The following PBX1 variants were observed in gnomAD, a reference collection of about 807,000 sequenced individuals.
PBX1 encodes the protein PBX homeobox 1, also known as pre-B-cell leukemia transcription factor 1.
In PBX1, 6 loss-of-function variants were observed where a neutral mutation model predicts 53.4. That is an observed-to-expected ratio of 0.11 (90% CI 0.06 to 0.22). PBX1 has a LOEUF of 0.22. Among genes scored for constraint, PBX1 ranks in the 10% least tolerant of loss-of-function variants. The probability of loss-of-function intolerance (pLI) is 1.00; values close to 1 mark genes in which losing one functional copy is unlikely to be tolerated. For missense variants in PBX1, 251 were observed against 551.4 expected, an observed-to-expected ratio of 0.46 and a Z score of 5.46; for synonymous variants, 204 against 212.3, an observed-to-expected ratio of 0.96 and a Z score of 0.34.
chr1:164,798,422 A>G (rs1668894891), intron 3 of PBX1, among the ~76,000 whole-genome samples: 1 of 152,224 alleles, frequency 6.6e-6, no homozygotes, highest in African/African-American at 2.4e-5. Context: ...GAATCTGTGA[A>G]TAGATGTTTT....
intron 2 of PBX1, among the ~76,000 whole-genome samples, chr1:164,720,954 T>C (rs940851294): frequency 6.6e-6 from 1 of 152,164 alleles, no homozygotes; most frequent in East Asian, 1.9e-4. Flanking sequence ...CAACAAATTT[T>C]AGGTTCATCC....
At chr1:164,769,424 G>A (rs1339744235) in intron 2 of PBX1, 1 of 152,210 alleles carries the variant, frequency 6.6e-6, no homozygotes, top group African/African-American at 2.4e-5. Context: ...AGTGGGGAAA[G>A]CACCTTGCCC....
At chr1:164,577,291 T>G in intron 2 of PBX1, among the ~76,000 whole-genome samples, 1 of 152,340 alleles carries the variant, frequency 6.6e-6, no homozygotes, top group Admixed American at 6.5e-5. Context: ...GTCTGATTTC[T>G]TTAACACTTG....
intron 2 of PBX1, among the ~76,000 whole-genome samples, chr1:164,632,766 G>A (rs1418619330): frequency 6.6e-6 from 1 of 152,108 alleles, no homozygotes; most frequent in Non-Finnish European, 1.5e-5. Context: ...ATGGTCTAGA[G>A]GATATTATTA....
chr1:164,725,247 G>A (rs566732318), intron 2 of PBX1, among the ~76,000 whole-genome samples: 1 of 152,270 alleles, frequency 6.6e-6, no homozygotes, highest in South Asian at 2.1e-4. Context: ...CAGACTAATG[G>A]TGCATAAGCC....
intron 2 of PBX1, among the ~76,000 whole-genome samples, chr1:164,709,019 G>A (rs925587925): frequency 2.6e-5 from 4 of 152,134 alleles, no homozygotes; most frequent in African/African-American, 7.2e-5. Flanking sequence ...ACACAGCCGC[G>A]GAGACACCCC....
intron 2 of PBX1, among the ~76,000 whole-genome samples, chr1:164,696,404 G>C (rs1662801213): frequency 6.6e-6 from 1 of 152,168 alleles, no homozygotes; most frequent in Non-Finnish European, 1.5e-5. Context: ...ATATGACTCA[G>C]TACAATGAAA....
intron 4 of PBX1, among the ~76,000 whole-genome samples, chr1:164,803,019 C>T (rs1669160475): frequency 6.6e-6 from 1 of 152,006 alleles, no homozygotes; most frequent in Admixed American, 6.6e-5. Flanking sequence ...TACTTCACTG[C>T]AATAGAGGGG....
chr1:164,868,671 C>G (rs1224112591), intron 2 of PBX1, among the ~76,000 whole-genome samples: 1 of 152,192 alleles, frequency 6.6e-6, no homozygotes, highest in Admixed American at 6.5e-5. Flanking sequence ...TTTCTTTAAA[C>G]ATACACAGTG....
intron 2 of PBX1, among the ~76,000 whole-genome samples, chr1:164,720,526 C>T (rs1664346552): frequency 6.6e-6 from 1 of 152,150 alleles, no homozygotes; most frequent in South Asian, 2.1e-4. Context: ...ACAAAGGAAG[C>T]AATGCCCCTA....
rs1659348682 is a variant in PBX1 at position 164,644,694 on chromosome 1, G to GT, written c.265+81384dup. On this transcript the variant is annotated intron_variant, in intron 2 of 8. Coordinates refer to ENST00000420696, the MANE Select transcript of PBX1 (RefSeq NM_002585.4). ...AATAGACTGTTTCAGGATAAAAACTGTATCTTGGCCTTAATGTGTCTTGTG... is the reference window on the plus strand; with the variant it reads ...AATAGACTGTTTCAGGATAAAAACTGTTATCTTGGCCTTAATGTGTCTTGTG... 2.0e-5 allele frequency among the ~76,000 whole-genome samples: 3 copies of GT among 152,104 alleles called. No individual in the cohort carries two copies. The South Asian group carries it at 6.2e-4, about 32-fold the overall frequency.
chr1:164,884,031 T>C (rs561982652), intron 2 of PBX1, among the ~76,000 whole-genome samples: 21 of 152,180 alleles, frequency 1.4e-4, no homozygotes, highest in Non-Finnish European at 2.9e-4. Context: ...ATTACGAGCA[T>C]GCAGATTTAA....
intron 2 of PBX1, among the ~76,000 whole-genome samples, chr1:164,775,608 GTGCATT>G (rs758644340): frequency 6.6e-6 from 1 of 152,200 alleles, no homozygotes; most frequent in African/African-American, 2.4e-5. Flanking sequence ...GGAGGAGGAA[GTGCATT>G]TTGTTATAAC....
At position 164,800,359 on chromosome 1, in the gene PBX1, C is replaced by T. The variant is rs149402240; in HGVS notation, c.701+470C>T. Among the ~76,000 whole-genome samples, 596 of 152,266 alleles carry T rather than the reference C, an allele frequency of 3.9e-3. 2 individuals are homozygous for T. The highest frequency in any genetic ancestry group is 6.7e-3 in the Non-Finnish European group (453 of 68,034). On this transcript the variant is annotated intron_variant, in intron 4 of 8. Transcript: ENST00000420696. Reference sequence around the variant, plus strand: ...TCCTAAGTAAATTGCTGTCTCTGGGCTAATTTTAGGAGTGCAGAGCTGAAT... The same window carrying T: ...TCCTAAGTAAATTGCTGTCTCTGGGTTAATTTTAGGAGTGCAGAGCTGAAT...
At chr1:164,607,069 A>C (rs1656606552) in intron 2 of PBX1, among the ~76,000 whole-genome samples, 1 of 152,258 alleles carries the variant, frequency 6.6e-6, no homozygotes, top group South Asian at 2.1e-4. Context: ...GCCCAGGGTC[A>C]TATGATCTGC....
intron 3 of PBX1, among the ~76,000 whole-genome samples, chr1:164,799,226 C>T (rs1259826197): frequency 6.6e-6 from 1 of 152,190 alleles, no homozygotes; most frequent in Non-Finnish European, 1.5e-5. Context: ...CGCAGTGGCT[C>T]ACGCCTGTAA....
intron 2 of PBX1, among the ~76,000 whole-genome samples, chr1:164,706,076 G>C (rs981685762): frequency 2.0e-5 from 3 of 150,446 alleles, no homozygotes; most frequent in Non-Finnish European, 4.4e-5. Flanking sequence ...CTAGACACTT[G>C]TGACTTACTA....
chr1:164,584,836 C>T (rs1052353951), intron 2 of PBX1, among the ~76,000 whole-genome samples: 2 of 152,086 alleles, frequency 1.3e-5, no homozygotes, highest in Admixed American at 6.5e-5. Context: ...TTCCTTTTAT[C>T]CCCATCCACA....
At chr1:164,882,418 C>T (rs1320570556) in intron 2 of PBX1, among the ~76,000 whole-genome samples, 6 of 152,052 alleles carry the variant, frequency 3.9e-5, no homozygotes, top group African/African-American at 9.7e-5. Flanking sequence ...ATAATATTCT[C>T]CTGTGAGAAA....
Sources: allele counts gnomAD v4.1 joint callset (sites outside exome capture counted in the v4.1 genomes callset), GRCh38; gene constraint gnomAD v4.1.1; transcripts MANE v1.5; gene names NCBI Gene and HGNC (gene_info 2026-07-23, HGNC 2026-07-21).